Variants in C13orf42 observed in about 807,000 individuals in gnomAD.
C13orf42 encodes chromosome 13 open reading frame 42.
At position 51,082,745 on chromosome 13, in the gene C13orf42, A is replaced by G. The variant is rs780282686; in HGVS notation, c.*1406T>C. ...ACAAAATGAAAGAAACTTTCCAAAC[A>G]TTGACATTGGCACTCGAAAAATAAT... is the stretch of plus-strand genomic sequence containing the variant. On this transcript the variant is annotated 3_prime_UTR_variant, in exon 4 of 4. Coordinates refer to ENST00000563710, the MANE Select transcript of C13orf42 (RefSeq NM_001351589.3). 2 of 152,242 alleles carry G rather than the reference A, an allele frequency of 1.3e-5. No individual in the cohort carries two copies. Among genetic ancestry groups the G allele is most frequent in the Non-Finnish European group, 2.9e-5 (2 of 68,044 alleles). The allele number at this position is 152,242 out of a possible 1,614,324, so 9.4% of individuals were successfully genotyped here. A position where few individuals can be genotyped will look rare whatever the true frequency, so the allele number is the denominator to read the frequency against.
At chr13:51,171,507 T>C (rs1953951372) in intron 1 of C13orf42, among the ~76,000 whole-genome samples, 1 of 152,076 alleles carries the variant, frequency 6.6e-6, no homozygotes. Flanking sequence ...AATCTTCCTT[T>C]TCTACAGACC....
chr13:51,094,394 C>T (rs1005775427), intron 1 of C13orf42, among the ~76,000 whole-genome samples: 14 of 152,114 alleles, frequency 9.2e-5, no homozygotes, highest in Admixed American at 2.0e-4. Context: ...CAAACTAAAA[C>T]GGTGTGTTCA....
At chr13:51,102,601 A>T (rs1953306125) in intron 1 of C13orf42, among the ~76,000 whole-genome samples, 1 of 152,204 alleles carries the variant, frequency 6.6e-6, no homozygotes, top group South Asian at 2.1e-4. Context: ...GGAGGGGTGT[A>T]TATTTTGCAA....
intron 1 of C13orf42, among the ~76,000 whole-genome samples, chr13:51,153,621 GTTTTTTTTCTTTTTTTTT>G (rs1233318518): frequency 1.6e-4 from 13 of 82,034 alleles, no homozygotes; most frequent in African/African-American, 5.7e-4. Flanking sequence ...CTTGCTTTCT[GTTTTTTTTCTTTTTTTTT>G]TTTTTTTTTT....
chr13:51,089,108 T>C (rs536072667), intron 1 of C13orf42, among the ~76,000 whole-genome samples: 5 of 152,340 alleles, frequency 3.3e-5, no homozygotes, highest in African/African-American at 1.2e-4. Flanking sequence ...TTTTATTTTA[T>C]ATGGGCGTTT....
At chr13:51,171,375 G>T (rs1403720550) in intron 1 of C13orf42, among the ~76,000 whole-genome samples, 1 of 152,068 alleles carries the variant, frequency 6.6e-6, no homozygotes, top group African/African-American at 2.4e-5. Flanking sequence ...TGACGTCCAG[G>T]CATTCTTTTA....
intron 1 of C13orf42, among the ~76,000 whole-genome samples, chr13:51,160,963 G>GAAAAAAAA (rs78703300): frequency 2.9e-5 from 3 of 105,038 alleles, no homozygotes; most frequent in East Asian, 3.7e-4. Flanking sequence ...TTGGAAACAA[G>GAAAAAAAA]AAAAAAAAAA....
At chr13:51,143,557 G>A (rs964489072) in intron 1 of C13orf42, among the ~76,000 whole-genome samples, 1 of 152,056 alleles carries the variant, frequency 6.6e-6, no homozygotes, top group Non-Finnish European at 1.5e-5. Context: ...TTATACTAGG[G>A]CCCCTTGTTT....
chr13:51,111,630 T>C (rs1226922302), upstream of C13orf42, among the ~76,000 whole-genome samples: 1 of 152,186 alleles, frequency 6.6e-6, no homozygotes, highest in Non-Finnish European at 1.5e-5. Context: ...TCAGTTTGAG[T>C]TGATCTTGGT....
chr13:51,108,125 T>C (rs1953381260), intron 1 of C13orf42, among the ~76,000 whole-genome samples: 1 of 152,248 alleles, frequency 6.6e-6, no homozygotes, highest in Middle Eastern at 3.4e-3. Flanking sequence ...CATCTCTGTG[T>C]CCTCACATGG....
intron 1 of C13orf42, among the ~76,000 whole-genome samples, chr13:51,095,751 C>T (rs1182780698): frequency 6.6e-6 from 1 of 152,002 alleles, no homozygotes; most frequent in African/African-American, 2.4e-5. Context: ...TCCATCTGAT[C>T]TTGTGTGTTT....
At chr13:51,142,022 T>C (rs1953699722) in intron 1 of C13orf42, among the ~76,000 whole-genome samples, 1 of 152,230 alleles carries the variant, frequency 6.6e-6, no homozygotes, top group African/African-American at 2.4e-5. Context: ...GGTGTCAAAA[T>C]TTGGCATAGG....
rs530923631 is a variant in C13orf42, at chr13:51,124,458, T to G, written n.137-11236A>C. Among the ~76,000 whole-genome samples the G allele has an allele frequency of 1.1e-4, 17 of 152,294 alleles. No homozygotes were observed. The East Asian group carries it at 3.3e-3, about 29-fold the overall frequency. On this transcript the variant is annotated intron_variant and non_coding_transcript_variant, in intron 1 of 4. Transcript: ENST00000433280. ...ATAATGAGGAGGTAAATGTAGGAAT[T>G]TAGGTGCTTTCAGGTTGTGCTACGT...
intron 1 of C13orf42, among the ~76,000 whole-genome samples, chr13:51,124,369 A>G (rs1953559794): frequency 6.6e-6 from 1 of 152,164 alleles, no homozygotes; most frequent in Admixed American, 6.5e-5. Flanking sequence ...CTCTATTGCA[A>G]TTCCCCTGTC....
intron 2 of C13orf42, among the ~76,000 whole-genome samples, chr13:51,086,292 C>T (rs141360392): frequency 0.014 from 1,951 of 140,020 alleles, 19 homozygotes; most frequent in Middle Eastern, 0.042. Context: ...GGCGATGGAG[C>T]GAGACTCCGT....
intron 1 of C13orf42, among the ~76,000 whole-genome samples, chr13:51,096,489 C>T (rs1374796294): frequency 6.6e-6 from 1 of 152,174 alleles, no homozygotes. Flanking sequence ...CACTTAACTT[C>T]TTTAGTTCAT....
intron 1 of C13orf42, among the ~76,000 whole-genome samples, chr13:51,096,481 C>G (rs1953235947): frequency 6.6e-6 from 1 of 152,208 alleles, no homozygotes; most frequent in Non-Finnish European, 1.5e-5. Context: ...AGGTTTCACA[C>G]TTAACTTCTT....
At chr13:51,149,893 A>G (rs949558044) in intron 1 of C13orf42, among the ~76,000 whole-genome samples, 1 of 152,154 alleles carries the variant, frequency 6.6e-6, no homozygotes, top group African/African-American at 2.4e-5. Context: ...ACTAACACTA[A>G]CCCTGTCTTC....
At chr13:51,119,994 A>T (rs1030595291) in intron 1 of C13orf42, among the ~76,000 whole-genome samples, 9 of 152,178 alleles carry the variant, frequency 5.9e-5, no homozygotes, top group African/African-American at 2.2e-4. Context: ...AAAAAAAAGA[A>T]AGCATCCCAG....
Sources: allele counts gnomAD v4.1 joint callset (sites outside exome capture counted in the v4.1 genomes callset), GRCh38; gene constraint gnomAD v4.1.1; transcripts MANE v1.5; gene names NCBI Gene and HGNC (gene_info 2026-07-23, HGNC 2026-07-21).